Variants in CNTN4 observed in about 807,000 individuals in gnomAD.
CNTN4 encodes the protein contactin-4.
In CNTN4, 77 loss-of-function variants were observed where a neutral mutation model predicts 122.5. The observed-to-expected ratio is 0.63, with a 90% CI of 0.52 to 0.76. The LOEUF (loss-of-function observed/expected upper bound fraction) is 0.76, where lower values mean the gene tolerates loss of function less well. Ranked by LOEUF, CNTN4 falls within the 30% of genes least tolerant of loss-of-function variation. CNTN4 has a pLI of 0.00. For missense variants in CNTN4, 1,256 were observed against 1,259.1 expected, an observed-to-expected ratio of 1.00 and a Z score of 0.04; for synonymous variants, 512 against 447.0, an observed-to-expected ratio of 1.15 and a Z score of -1.83.
At chr3:2,229,685 A>T (rs62247016) in intron 2 of CNTN4, among the ~76,000 whole-genome samples, 30,151 of 152,136 alleles carry the variant, frequency 0.2, 3,526 homozygotes, top group South Asian at 0.38. Context: ...TATTATTTTA[A>T]CTAATATTTA....
At chr3:2,912,111 CAA>C (rs2094306983) in intron 12 of CNTN4, among the ~76,000 whole-genome samples, 1 of 152,044 alleles carries the variant, frequency 6.6e-6, no homozygotes, top group South Asian at 2.1e-4. Context: ...AGGATGAATC[CAA>C]AGAGATCTAC....
intron 4 of CNTN4, among the ~76,000 whole-genome samples, chr3:2,627,424 G>T (rs1265939249): frequency 6.6e-6 from 1 of 151,154 alleles, no homozygotes; most frequent in East Asian, 1.9e-4. Flanking sequence ...TGACCTTAGG[G>T]TAGCAGTAAA....
At chr3:2,485,854 C>T (rs1056179143) in intron 3 of CNTN4, among the ~76,000 whole-genome samples, 1 of 152,122 alleles carries the variant, frequency 6.6e-6, no homozygotes, top group Non-Finnish European at 1.5e-5. Context: ...CAAAACGGAT[C>T]GATCAGCTCT....
chr3:2,745,473 TA>T, intron 5 of CNTN4, 48 bp from the exon 6 acceptor site: 1 of 1,391,052 alleles, frequency 7.2e-7, no homozygotes. Flanking sequence ...AATTCAGAAA[TA>T]TTGATTAATA....
At chr3:3,008,492 A>G (rs1696867173) in intron 14 of CNTN4, among the ~76,000 whole-genome samples, 1 of 152,206 alleles carries the variant, frequency 6.6e-6, no homozygotes, top group Non-Finnish European at 1.5e-5. Flanking sequence ...TATGATGGGG[A>G]AGAGTAAAAT....
chr3:2,204,720 A>G (rs987092808), intron 2 of CNTN4, among the ~76,000 whole-genome samples: 1 of 152,002 alleles, frequency 6.6e-6, no homozygotes, highest in Non-Finnish European at 1.5e-5. Context: ...TTTTTAGCCT[A>G]CTCACTATTC....
chr3:2,654,528 A>G (rs1279798283), intron 4 of CNTN4, among the ~76,000 whole-genome samples: 1 of 152,168 alleles, frequency 6.6e-6, no homozygotes, highest in African/African-American at 2.4e-5. Flanking sequence ...ACACTTAATA[A>G]GGCCAACCCA....
intron 12 of CNTN4, among the ~76,000 whole-genome samples, chr3:2,909,502 C>G (rs1331614334): frequency 6.6e-6 from 1 of 151,618 alleles, no homozygotes; most frequent in African/African-American, 2.4e-5. Flanking sequence ...CAGTTCTGTG[C>G]TTCTCAATTT....
rs59790353 is a variant in CNTN4 at position 2,961,231 on chromosome 3, C to CAAAAAAA, written c.1359-27101_1359-27095dup. Among the ~76,000 whole-genome samples the CAAAAAAA allele has an allele frequency of 1.8e-3, 66 of 37,242 alleles. 1 individual carries two copies. The highest frequency in any genetic ancestry group is 2.6e-3 in the Non-Finnish European group (52 of 20,108). 24.4% of individuals were successfully genotyped at this position (37,242 alleles called of 152,430 possible). On this transcript the variant is annotated intron_variant, in intron 13 of 24. Transcript: ENST00000418658. ...GGCGACAGAACGAGACTCCATCTCACAAAAAAAAAAAAAAAAAAAGGCCTA... is the reference window on the plus strand; with the variant it reads ...GGCGACAGAACGAGACTCCATCTCACAAAAAAAAAAAAAAAAAAAAAAAAAAGGCCTA...
intron 2 of CNTN4, among the ~76,000 whole-genome samples, chr3:2,333,908 G>GAA (rs2307794): frequency 0.8 from 121,977 of 151,904 alleles, 50,045 homozygotes; most frequent in East Asian, 1. Context: ...AACTACCTGT[G>GAA]AAGGAAGTAG....
chr3:2,480,975 G>A (rs548130436), intron 3 of CNTN4, among the ~76,000 whole-genome samples: 24 of 151,862 alleles, frequency 1.6e-4, no homozygotes, highest in African/African-American at 5.3e-4. Flanking sequence ...AGGAGTAAAG[G>A]CAATAAAATG....
chr3:2,384,486 A>C (rs1208329786), intron 3 of CNTN4, among the ~76,000 whole-genome samples: 2 of 152,220 alleles, frequency 1.3e-5, no homozygotes, highest in African/African-American at 4.8e-5. Context: ...AGAGAATGCC[A>C]AGAAGAGACA....
intron 13 of CNTN4, among the ~76,000 whole-genome samples, chr3:2,932,122 C>A (rs1041334221): frequency 1.3e-5 from 2 of 152,022 alleles, no homozygotes; most frequent in Non-Finnish European, 1.5e-5. Flanking sequence ...TCACGCCTGT[C>A]ATCCCAGCAC....
At chr3:2,829,056 A>C (rs2093046096) in intron 7 of CNTN4, among the ~76,000 whole-genome samples, 1 of 152,136 alleles carries the variant, frequency 6.6e-6, no homozygotes, top group Non-Finnish European at 1.5e-5. Flanking sequence ...AAATATTCTT[A>C]AGGCGATCTT....
chr3:2,160,785 T>C (rs1185211376), intron 2 of CNTN4, among the ~76,000 whole-genome samples: 1 of 152,168 alleles, frequency 6.6e-6, no homozygotes, highest in Admixed American at 6.5e-5. Flanking sequence ...GTGCGTATTA[T>C]TAAGTTTGCA....
At chr3:3,011,275 A>AAGCTCCAATATG (rs1323401091) in intron 14 of CNTN4, among the ~76,000 whole-genome samples, 1 of 152,120 alleles carries the variant, frequency 6.6e-6, no homozygotes, top group African/African-American at 2.4e-5. Flanking sequence ...CCCATAAACT[A>AAGCTCCAATATG]CTCCAATAAT....
rs372926965 is a variant in CNTN4 at position 2,983,800 on chromosome 3, T to A, written c.1359-4545T>A. Reference sequence around the variant, plus strand: ...CTATATTGCTGTATAAAAAAGTGGTTGAGTTTCTCCAAAGAATAGTTTATC... The same window carrying A: ...CTATATTGCTGTATAAAAAAGTGGTAGAGTTTCTCCAAAGAATAGTTTATC... On this transcript the variant is annotated intron_variant, in intron 13 of 24. Coordinates refer to ENST00000418658, the MANE Select transcript of CNTN4 (RefSeq NM_175607.3). Among the ~76,000 whole-genome samples the A allele has an allele frequency of 8.5e-5, 13 of 152,332 alleles. No individual in the cohort carries two copies. The Middle Eastern group carries it at 0.017, about 199-fold the overall frequency.
At chr3:2,177,891 G>A (rs1225194101) in intron 2 of CNTN4, among the ~76,000 whole-genome samples, 1 of 152,018 alleles carries the variant, frequency 6.6e-6, no homozygotes, top group African/African-American at 2.4e-5. Flanking sequence ...CCAAGGTGAC[G>A]CATAAAATTT....
Position 3,042,320 on chromosome 3 carries a change from A to G in CNTN4, c.2409A>G (p.Lys803=), listed in dbSNP as rs777626348. Residue 803 remains lysine (K), a synonymous_variant, in exon 21 of 25, where the codon AAA becomes AAG. Coordinates refer to ENST00000418658, the MANE Select transcript of CNTN4 (RefSeq NM_175607.3). ...CATATTCATCTACAGAACCCACCAA[A>G]CCACCAGCCAGTATCTTTGCCAGAA... ...VVYSAEEEPT[K]PPASIFARSL... is the part of the protein sequence containing the mutation. 25 of 1,613,798 alleles carry G rather than the reference A, an allele frequency of 1.5e-5. No homozygotes were observed. The highest frequency in any genetic ancestry group is 1.9e-5 in the Non-Finnish European group (22 of 1,179,798).
Sources: allele counts gnomAD v4.1 joint callset (sites outside exome capture counted in the v4.1 genomes callset), GRCh38; gene constraint gnomAD v4.1.1; transcripts MANE v1.5; gene names NCBI Gene and HGNC (gene_info 2026-07-23, HGNC 2026-07-21).